Variants in KCNQ5 observed in about 807,000 individuals in gnomAD.
KCNQ5 encodes the protein potassium voltage-gated channel subfamily KQT member 5.
A neutral mutation model predicts 98.2 loss-of-function variants in KCNQ5; 30 were observed. The observed-to-expected ratio is 0.31, with a 90% confidence interval of 0.23 to 0.41. KCNQ5 has a LOEUF of 0.41. Ranked by LOEUF, KCNQ5 falls within the 10% of genes least tolerant of loss-of-function variation. The pLI, the probability that KCNQ5 is intolerant of heterozygous loss-of-function variation, is 1.00. For synonymous variants in KCNQ5, 458 were observed against 449.4 expected (o/e 1.02, Z -0.24); for missense variants, 835 against 1,182.5 (o/e 0.71, Z 4.31).
chr6:72,941,292 C>A (rs1243118188), intron 1 of KCNQ5, among the ~76,000 whole-genome samples: 1 of 150,116 alleles, frequency 6.7e-6, no homozygotes, highest in Non-Finnish European at 1.5e-5. Context: ...TCTCCCCAGC[C>A]CTGCTCATCT....
intron 10 of KCNQ5, chr6:73,157,990 G>A: frequency 1.3e-6 from 1 of 747,806 alleles, no homozygotes; most frequent in Non-Finnish European, 2.5e-6. Flanking sequence ...TTGAACGGCC[G>A]GAAGATCAAG....
intron 1 of KCNQ5, among the ~76,000 whole-genome samples, chr6:72,667,225 T>C (rs1651888390): frequency 6.6e-6 from 1 of 151,672 alleles, no homozygotes; most frequent in Non-Finnish European, 1.5e-5. Context: ...GCAAGGGGAG[T>C]GGAATGGGCT....
intron 1 of KCNQ5, among the ~76,000 whole-genome samples, chr6:72,788,532 GT>G (rs1773872942): frequency 6.6e-6 from 1 of 152,158 alleles, no homozygotes; most frequent in Admixed American, 6.5e-5. Context: ...ATTGTTTATA[GT>G]TAAAAATAGT....
chr6:72,907,394 G>T lies in KCNQ5; in HGVS notation c.399-96514G>T, dbSNP rs996590133. On this transcript the variant is annotated intron_variant, in intron 1 of 13. Transcript: ENST00000370398. ...AATCATTTATATTTTTATTTAGACT[G>T]TTTGGAGGTTTATTATTTACAACTA... Among the ~76,000 whole-genome samples, 5 of 152,206 alleles carry T rather than the reference G, an allele frequency of 3.3e-5. No individual in the cohort carries two copies. The East Asian group carries it at 9.6e-4, about 29-fold the overall frequency.
At chr6:72,832,215 AAG>A (rs1776304918) in intron 1 of KCNQ5, among the ~76,000 whole-genome samples, 3 of 152,128 alleles carry the variant, frequency 2.0e-5, no homozygotes, top group African/African-American at 2.4e-5. Flanking sequence ...AGTGAGAGGA[AAG>A]AGAAATGATG....
At chr6:73,153,537 A>G (rs1456479769) in intron 10 of KCNQ5, among the ~76,000 whole-genome samples, 3 of 152,170 alleles carry the variant, frequency 2.0e-5, no homozygotes, top group Non-Finnish European at 2.9e-5. Flanking sequence ...CAGTTAGTCC[A>G]GGCCAACAAA....
intron 10 of KCNQ5, among the ~76,000 whole-genome samples, chr6:73,137,609 A>G (rs771628106): frequency 1.2e-4 from 19 of 152,116 alleles, no homozygotes; most frequent in Non-Finnish European, 2.8e-4. Context: ...AATTCTTCCC[A>G]TTGGCATGTG....
intron 1 of KCNQ5, among the ~76,000 whole-genome samples, chr6:72,974,694 A>G (rs1184283809): frequency 3.3e-5 from 5 of 152,056 alleles, no homozygotes; most frequent in Non-Finnish European, 7.4e-5. Context: ...ACAGGTGCCC[A>G]TGAAAACTGA....
intron 5 of KCNQ5, among the ~76,000 whole-genome samples, chr6:73,090,400 A>T (rs1323531981): frequency 1.3e-5 from 2 of 151,844 alleles, no homozygotes; most frequent in Non-Finnish European, 2.9e-5. Context: ...GCCGTGCAAA[A>T]GCTCTTTAGT....
At chr6:72,869,136 T>A (rs1021043902) in intron 1 of KCNQ5, among the ~76,000 whole-genome samples, 1 of 152,186 alleles carries the variant, frequency 6.6e-6, no homozygotes, top group Non-Finnish European at 1.5e-5. Context: ...CCATAATAAT[T>A]TTTAAAAATT....
intron 1 of KCNQ5, among the ~76,000 whole-genome samples, chr6:72,704,906 C>A (rs759718852): frequency 6.6e-6 from 1 of 152,064 alleles, no homozygotes; most frequent in Admixed American, 6.6e-5. Context: ...GTTATGCCCC[C>A]CTCAGTTCAG....
intron 1 of KCNQ5, among the ~76,000 whole-genome samples, chr6:72,936,621 A>T (rs1309645972): frequency 2.0e-5 from 3 of 152,224 alleles, no homozygotes; most frequent in African/African-American, 7.2e-5. Flanking sequence ...ATATAAATGT[A>T]TCATTTTTCC....
intron 8 of KCNQ5, among the ~76,000 whole-genome samples, chr6:73,121,319 C>G (rs965754289): frequency 3.3e-5 from 5 of 150,324 alleles, no homozygotes; most frequent in African/African-American, 1.2e-4. Flanking sequence ...CTAATGATTA[C>G]CACAGAGATC....
chr6:73,024,381 T>TTAGATAGATAGATA (rs57909943), intron 2 of KCNQ5, among the ~76,000 whole-genome samples: 77 of 120,658 alleles, frequency 6.4e-4, no homozygotes, highest in Non-Finnish European at 9.6e-4. Flanking sequence ...GATAGATAGA[T>TTAGATAGATAGATA]GATAGATAGA....
intron 5 of KCNQ5, among the ~76,000 whole-genome samples, chr6:73,088,899 C>T (rs1774110092): frequency 6.6e-6 from 1 of 152,114 alleles, no homozygotes; most frequent in Non-Finnish European, 1.5e-5. Context: ...TTACTCTCCA[C>T]TCTCATAGTG....
At chr6:72,828,142 T>C (rs1214751651) in intron 1 of KCNQ5, among the ~76,000 whole-genome samples, 1 of 152,174 alleles carries the variant, frequency 6.6e-6, no homozygotes, top group Admixed American at 6.6e-5. Context: ...GTTTGTAGTA[T>C]ATATTGAGGA....
chr6:72,787,048 C>T (rs1005656157), intron 1 of KCNQ5, among the ~76,000 whole-genome samples: 5 of 145,242 alleles, frequency 3.4e-5, no homozygotes, highest in African/African-American at 1.3e-4. Context: ...AATCCTGGTT[C>T]ATTTGTGATG....
intron 1 of KCNQ5, among the ~76,000 whole-genome samples, chr6:72,702,578 C>A (rs969323676): frequency 6.6e-6 from 1 of 152,166 alleles, no homozygotes; most frequent in African/African-American, 2.4e-5. Context: ...TTTTGTTCCA[C>A]TCTCTGTGGA....
intron 8 of KCNQ5, among the ~76,000 whole-genome samples, chr6:73,122,110 G>A (rs1245585585): frequency 2.6e-5 from 4 of 152,132 alleles, no homozygotes; most frequent in African/African-American, 7.2e-5. Context: ...TTAAAAAACC[G>A]AAAATAGAAC....
Sources: allele counts gnomAD v4.1 joint callset (sites outside exome capture counted in the v4.1 genomes callset), GRCh38; gene constraint gnomAD v4.1.1; transcripts MANE v1.5; gene names NCBI Gene and HGNC (gene_info 2026-07-23, HGNC 2026-07-21).